The following SNX30 variants were observed in gnomAD, a reference collection of about 807,000 sequenced individuals.
SNX30 encodes the protein sorting nexin family member 30.
SNX30 carries 24 observed loss-of-function variants against 46.4 expected under a neutral mutation model. That is an observed-to-expected ratio of 0.52 (90% CI 0.37 to 0.73). The LOEUF is 0.73. Among genes scored for constraint, SNX30 ranks in the 30% least tolerant of loss-of-function variants. The probability of loss-of-function intolerance (pLI) is 0.00; values close to 1 mark genes in which losing one functional copy is unlikely to be tolerated. For synonymous variants in SNX30, 189 were observed against 211.5 expected (o/e 0.89, Z 0.92); for missense variants, 533 against 555.7 (o/e 0.96, Z 0.41).
chr9:112,810,988 C>G lies in SNX30; in HGVS notation c.348+6021C>G, dbSNP rs537320352. ...GAATGCGAGCAGCTCACAGAGGGAC[C>G]GATGGCAGGGAGGCCCGATTCTCAG... is the stretch of plus-strand genomic sequence containing the variant. On this transcript the variant is annotated intron_variant, in intron 2 of 8. Transcript: ENST00000374232. Among the ~76,000 whole-genome samples the G allele has an allele frequency of 3.3e-5, 5 of 152,126 alleles. No homozygotes were observed. The South Asian group carries it at 1.0e-3, about 32-fold the overall frequency.
intron 7 of SNX30, among the ~76,000 whole-genome samples, chr9:112,851,780 G>A (rs1218805864): frequency 6.6e-6 from 1 of 152,176 alleles, no homozygotes; most frequent in African/African-American, 2.4e-5. Flanking sequence ...AGGAAGTGAG[G>A]AGTGCTGATT....
At chr9:112,849,541 AG>A (rs1400341175) in intron 6 of SNX30, among the ~76,000 whole-genome samples, 1 of 152,234 alleles carries the variant, frequency 6.6e-6, no homozygotes, top group African/African-American at 2.4e-5. Flanking sequence ...AGGGAATGTC[AG>A]GGCACTTAGG....
At chr9:112,878,855 A>T (rs1347914065), downstream of SNX30, 2 of 152,234 alleles carry the variant, frequency 1.3e-5, no homozygotes, top group Non-Finnish European at 2.9e-5. Context: ...TTTATCCTGT[A>T]TAAGAACATC....
At chr9:112,765,775 C>G (rs1265768914) in intron 1 of SNX30, among the ~76,000 whole-genome samples, 1 of 152,116 alleles carries the variant, frequency 6.6e-6, no homozygotes, top group Non-Finnish European at 1.5e-5. Flanking sequence ...ACATAATTGC[C>G]TTTTTGTGGT....
chr9:112,754,741 T>G (rs1181947209), intron 1 of SNX30, among the ~76,000 whole-genome samples: 1 of 152,198 alleles, frequency 6.6e-6, no homozygotes, highest in African/African-American at 2.4e-5. Flanking sequence ...AATACATCAC[T>G]TAGCCTTACT....
chr9:112,872,576 G>A lies in SNX30; in HGVS notation c.*3733G>A, dbSNP rs1207280675. ...CCAGATGGGTTGCTGGCTGCACTGA[G>A]GGTGATTCTTCTCAGAAGATGGGCT... is the stretch of plus-strand genomic sequence containing the variant. On this transcript the variant is annotated 3_prime_UTR_variant, in exon 9 of 9. Transcript: ENST00000374232. 6.6e-6 allele frequency: 1 copy of A among 152,478 alleles called. No homozygotes were observed. The highest frequency in any genetic ancestry group is 1.5e-5 in the Non-Finnish European group (1 of 68,314). The allele number at this position is 152,478 out of a possible 1,614,324, so 9.4% of individuals were successfully genotyped here. A position where few individuals can be genotyped will look rare whatever the true frequency, so the allele number is the denominator to read the frequency against.
chr9:112,830,742 T>C lies in SNX30; in HGVS notation c.477T>C (p.Phe159=). The C allele has an allele frequency of 1.2e-6, 2 of 1,610,418 alleles. No individual in the cohort carries two copies. Among genetic ancestry groups the C allele is most frequent in the Non-Finnish European group, 1.7e-6 (2 of 1,179,194 alleles). Residue 159 remains phenylalanine, a synonymous_variant, in exon 4 of 9, where the codon TTT becomes TTC. Coordinates refer to ENST00000374232, the MANE Select transcript of SNX30 (RefSeq NM_001012994.2). The stretch of plus-strand genomic sequence containing the variant: ...CTTCATAGCCTCTTCCCGAGAAGTT[T>C]GTGGTAAAAGGTGTTGTGGATCGTT... ...THLIPPLPEK[F]VVKGVVDRFS...
chr9:112,854,720 G>A (rs1841092703), intron 7 of SNX30, among the ~76,000 whole-genome samples: 1 of 152,208 alleles, frequency 6.6e-6, no homozygotes, highest in African/African-American at 2.4e-5. Flanking sequence ...GCAGAGGAGG[G>A]TGCAGTTGGC....
chr9:112,848,173 G>A (rs577323548), intron 6 of SNX30, among the ~76,000 whole-genome samples: 55 of 152,086 alleles, frequency 3.6e-4, no homozygotes, highest in Admixed American at 1.5e-3. Flanking sequence ...AGTTCTGTGA[G>A]AAGTTCAGAT....
At chr9:112,774,714 C>T (rs971879234) in intron 1 of SNX30, among the ~76,000 whole-genome samples, 2 of 152,068 alleles carry the variant, frequency 1.3e-5, no homozygotes, top group Non-Finnish European at 2.9e-5. Flanking sequence ...ACTAATGATG[C>T]TGAGCCTCTT....
chr9:112,793,804 GTT>G (rs199882365), intron 1 of SNX30, among the ~76,000 whole-genome samples: 1 of 139,144 alleles, frequency 7.2e-6, no homozygotes. Context: ...ACTGTTTTTT[GTT>G]TTTTTTTTTT....
chr9:112,838,853 G>A (rs1467892623), intron 6 of SNX30, among the ~76,000 whole-genome samples, 156 bp downstream of exon 6: 1 of 152,088 alleles, frequency 6.6e-6, no homozygotes, highest in Non-Finnish European at 1.5e-5. Flanking sequence ...ACATATAAAT[G>A]GAACACATGG....
rs199840503 is a variant in SNX30 at position 112,804,896 on chromosome 9, G to A, written c.277G>A (p.Val93Ile). Residue 93 changes from valine (V) to isoleucine (I), a missense_variant, in exon 2 of 9, where the codon GTT becomes ATT. This residue lies in a region of SNX30 where 191 missense variants were observed against 160.3 expected (regional missense o/e 1.19). Coordinates refer to ENST00000374232, the MANE Select transcript of SNX30 (RefSeq NM_001012994.2). ...TGATGGTGAGACTAGAGATCTCTTC[G>A]TTATAGTTGATGATCCCAAGAAGCA... ...DIDGETRDLF[V>I]IVDDPKKHVC... 62 of 1,613,828 alleles carry A rather than the reference G, an allele frequency of 3.8e-5. No homozygotes were observed. In the East Asian group the frequency reaches 6.0e-4, roughly 16 times the overall value.
intron 7 of SNX30, among the ~76,000 whole-genome samples, chr9:112,861,613 A>G (rs1841233771): frequency 6.6e-6 from 1 of 152,210 alleles, no homozygotes; most frequent in Non-Finnish European, 1.5e-5. Context: ...TCAGGAAAGC[A>G]GGACTTTGGG....
chr9:112,845,321 A>T (rs761818787), intron 6 of SNX30, among the ~76,000 whole-genome samples: 1 of 152,200 alleles, frequency 6.6e-6, no homozygotes, highest in African/African-American at 2.4e-5. Flanking sequence ...ACTGTGGGGG[A>T]AAAAACTGAG....
chr9:112,870,652 A>G lies in SNX30; in HGVS notation c.*1809A>G, dbSNP rs1174481720. 1.3e-5 allele frequency: 2 copies of G among 152,212 alleles called. No individual in the cohort carries two copies. The highest frequency in any genetic ancestry group is 2.9e-5 in the Non-Finnish European group (2 of 68,042). The allele number at this position is 152,212 out of a possible 1,614,324, so 9.4% of individuals were successfully genotyped here. On this transcript the variant is annotated 3_prime_UTR_variant, in exon 9 of 9. Coordinates refer to ENST00000374232, the MANE Select transcript of SNX30 (RefSeq NM_001012994.2). ...AGAACAACCCATGTACCCCCGAGTG[A>G]TTGCATGCTTTATTCTACCTCTAAG...
chr9:112,846,078 T>C (rs969146772), intron 6 of SNX30, among the ~76,000 whole-genome samples: 4 of 151,874 alleles, frequency 2.6e-5, no homozygotes, highest in African/African-American at 4.8e-5. Flanking sequence ...AAAAAATTAA[T>C]AGAAGAGTTA....
At chr9:112,879,812 C>G, downstream of SNX30, 1 of 1,612,624 alleles carries the variant, frequency 6.2e-7, no homozygotes, top group Non-Finnish European at 8.5e-7. Context: ...TGTTTATAGG[C>G]CACGATGCTG....
At chr9:112,805,184 A>AT (rs34900012) in intron 2 of SNX30, among the ~76,000 whole-genome samples, 2 of 149,932 alleles carry the variant, frequency 1.3e-5, no homozygotes, top group Admixed American at 1.3e-4. Flanking sequence ...AAATTGTAAG[A>AT]TTTTTCAAAT....
Sources: allele counts gnomAD v4.1 joint callset (sites outside exome capture counted in the v4.1 genomes callset), GRCh38; gene constraint gnomAD v4.1.1; regional missense constraint gnomAD v4.1.1; transcripts MANE v1.5; gene names NCBI Gene and HGNC (gene_info 2026-07-23, HGNC 2026-07-21).